FGD6: variants seen among roughly 807,000 people sequenced by gnomAD.
FGD6 encodes FYVE, RhoGEF and PH domain containing 6.
Under a neutral mutation model 149.4 loss-of-function variants are expected in FGD6, and 90 were observed. That is an observed-to-expected ratio of 0.60 (90% CI 0.51 to 0.72). The LOEUF is 0.72. FGD6 is among the 30% of genes least tolerant of loss of function. The pLI, the probability that FGD6 is intolerant of heterozygous loss-of-function variation, is 0.00. For synonymous variants in FGD6, 527 were observed against 584.0 expected (o/e 0.90, Z 1.41); for missense variants, 1,437 against 1,684.8 (o/e 0.85, Z 2.57).
At chr12:95,133,495 T>G (rs1879582597) in intron 8 of FGD6, among the ~76,000 whole-genome samples, 1 of 152,110 alleles carries the variant, frequency 6.6e-6, no homozygotes, top group Admixed American at 6.6e-5. Flanking sequence ...GAAATCCTGG[T>G]TTTTCAGGAT....
chr12:95,088,245 TG>T (rs1270968032), intron 18 of FGD6, among the ~76,000 whole-genome samples: 1 of 152,150 alleles, frequency 6.6e-6, no homozygotes, highest in Non-Finnish European at 1.5e-5. Flanking sequence ...ATCAGGGTTG[TG>T]GGGGTGAGGG....
intron 2 of FGD6, chr12:95,189,612 C>T (rs1881533724): frequency 6.8e-6 from 1 of 146,104 alleles, no homozygotes; most frequent in Admixed American, 7.0e-5. Context: ...CTTGCCACTG[C>T]ACTCCAACCT....
At chr12:95,202,017 A>G (rs893994071) in intron 2 of FGD6, among the ~76,000 whole-genome samples, 2 of 150,902 alleles carry the variant, frequency 1.3e-5, no homozygotes, top group Non-Finnish European at 2.9e-5. Context: ...TCTTCCATAC[A>G]TTTTTGTAGT....
At chr12:95,179,502 C>CATAA (rs200008002) in intron 2 of FGD6, among the ~76,000 whole-genome samples, 2,407 of 152,070 alleles carry the variant, frequency 0.016, 70 homozygotes, top group Non-Finnish European at 0.016. Flanking sequence ...GACCTTGTCT[C>CATAA]ATAAATAAAT....
At chr12:95,137,455 A>T (rs1320848436) in intron 7 of FGD6, 67 bp downstream of exon 7, 2 of 1,325,422 alleles carry the variant, frequency 1.5e-6, no homozygotes, top group Non-Finnish European at 2.0e-6. Context: ...CAATGACTGC[A>T]ACTTGTTATT....
At chr12:95,153,051 G>A in intron 3 of FGD6, 58 bp from the exon 4 acceptor site, 2 of 1,478,336 alleles carry the variant, frequency 1.4e-6, no homozygotes, top group Non-Finnish European at 1.9e-6. Flanking sequence ...GATCAGCTAT[G>A]AGCTAGTCAG....
At chr12:95,088,825 G>C (rs1456095085) in intron 18 of FGD6, among the ~76,000 whole-genome samples, 2 of 151,886 alleles carry the variant, frequency 1.3e-5, no homozygotes, top group Non-Finnish European at 2.9e-5. Context: ...GAATATACTC[G>C]TAACTTTACA....
intron 18 of FGD6, 80 bp from the exon 19 acceptor site, chr12:95,085,988 T>G: frequency 3.0e-6 from 4 of 1,332,468 alleles, no homozygotes; most frequent in Non-Finnish European, 3.1e-6. Context: ...CAATAGGTGC[T>G]GAAAGCAATA....
chr12:95,136,337 G>A (rs1471145458), intron 7 of FGD6, among the ~76,000 whole-genome samples: 4 of 152,158 alleles, frequency 2.6e-5, no homozygotes. Flanking sequence ...CAGCCTGGGC[G>A]ACAGAGCTAG....
Position 95,211,271 on chromosome 12 carries a change from G to T in FGD6, c.17-4C>A, listed in dbSNP as rs1461036993. On this transcript the variant is annotated splice_polypyrimidine_tract_variant and splice_region_variant and intron_variant, in intron 1 of 20. Transcript: ENST00000343958. ...GCCACTGGTGGCTTCTTTATCTCTAGAAAGGAAAAAATAATAATTTGATGT... is the reference window on the plus strand; with the variant it reads ...GCCACTGGTGGCTTCTTTATCTCTATAAAGGAAAAAATAATAATTTGATGT... 6.5e-7 allele frequency: 1 copy of T among 1,543,050 alleles called. No homozygotes were observed. Among genetic ancestry groups the T allele is most frequent in the African/African-American group, 1.4e-5 (1 of 71,910 alleles).
chr12:95,100,106 G>A (rs1592830584), intron 14 of FGD6, among the ~76,000 whole-genome samples: 1 of 133,892 alleles, frequency 7.5e-6, no homozygotes, highest in East Asian at 2.3e-4. Flanking sequence ...CTTTCTATCT[G>A]CTCAGCCTAC....
At chr12:95,084,176 A>G (rs542508947) in intron 20 of FGD6, among the ~76,000 whole-genome samples, 102 of 152,356 alleles carry the variant, frequency 6.7e-4, no homozygotes, top group African/African-American at 2.1e-3. Context: ...CCCTCATAGA[A>G]GGAGAGGTCA....
At chr12:95,134,982 C>G (rs1275710911) in intron 7 of FGD6, among the ~76,000 whole-genome samples, 156 bp from the exon 8 acceptor site, 1 of 152,202 alleles carries the variant, frequency 6.6e-6, no homozygotes, top group Admixed American at 6.5e-5. Context: ...CTGTTAGATA[C>G]ACTGAGAGTG....
chr12:95,172,603 T>G lies in FGD6; in HGVS notation c.2583A>C (p.Lys861Asn). ...SKGEPDPLED[K>N]QDEDNGMKSK... ...GCAATTAAGTACCAAAGTATACCTG[T>G]TTATCTTCCAGTGGGTCAGGCTCTC... Residue 861 changes from lysine (K) to asparagine (N), a missense_variant, in exon 3 of 21, where the codon AAA becomes AAC. Lys to Asn is a moderately conservative substitution (Grantham distance 94, BLOSUM62 0). Coordinates refer to ENST00000343958, the MANE Select transcript of FGD6 (RefSeq NM_018351.4). 6.2e-7 allele frequency: 1 copy of G among 1,604,956 alleles called. No individual in the cohort carries two copies.
At chr12:95,204,859 T>C (rs2056685480) in intron 2 of FGD6, among the ~76,000 whole-genome samples, 1 of 152,200 alleles carries the variant, frequency 6.6e-6, no homozygotes, top group Non-Finnish European at 1.5e-5. Flanking sequence ...AGCTGTTTCT[T>C]TGGGAAATAC....
intron 2 of FGD6, among the ~76,000 whole-genome samples, chr12:95,180,446 T>C (rs1363016415): frequency 6.9e-6 from 1 of 145,212 alleles, no homozygotes; most frequent in Non-Finnish European, 1.5e-5. Flanking sequence ...CAGGTTAGAG[T>C]GCAGTGGTGT....
intron 9 of FGD6, 30 bp downstream of exon 9, chr12:95,113,621 A>G (rs756045507): frequency 8.5e-6 from 13 of 1,537,528 alleles, no homozygotes; most frequent in Non-Finnish European, 1.2e-5. Context: ...ACATAATATA[A>G]AAACTTCTGC....
intron 17 of FGD6, among the ~76,000 whole-genome samples, chr12:95,091,257 C>T (rs550579861): frequency 3.4e-4 from 52 of 152,224 alleles, no homozygotes; most frequent in African/African-American, 1.1e-3. Context: ...TTTTTGTGTT[C>T]GGTCAAAAAG....
At chr12:95,173,564 T>C (rs1881051417) in intron 2 of FGD6, among the ~76,000 whole-genome samples, 1 of 152,168 alleles carries the variant, frequency 6.6e-6, no homozygotes, top group Admixed American at 6.6e-5. Flanking sequence ...TAAAAGCCAC[T>C]GTTGCAATCC....
Sources: gnomAD v4.1 joint callset for allele counts (sites outside exome capture counted in the v4.1 genomes callset) on GRCh38, gnomAD v4.1.1 for gene constraint, MANE v1.5 for transcripts, NCBI Gene and HGNC (gene_info 2026-07-23, HGNC 2026-07-21) for gene names.